The following NFATC1 variants were observed in gnomAD, a reference collection of about 807,000 sequenced individuals.
The protein encoded by NFATC1 is nuclear factor of activated T-cells, cytoplasmic 1.
Under a neutral mutation model 76.0 loss-of-function variants are expected in NFATC1, and 22 were observed. That is an observed-to-expected ratio of 0.29 (90% confidence interval 0.21 to 0.41). NFATC1 has a LOEUF of 0.41. Among genes scored for constraint, NFATC1 ranks in the 10% least tolerant of loss-of-function variants. NFATC1 has a pLI of 1.00. For missense variants in NFATC1, 1,357 were observed against 1,337.7 expected (o/e 1.01, Z -0.23); for synonymous variants, 704 against 613.1 (o/e 1.15, Z -2.19).
At position 79,459,246 on chromosome 18, in the gene NFATC1, C is replaced by T. The variant is rs372465620; in HGVS notation, c.1904-2065C>T. Among the ~76,000 whole-genome samples, 780 of 152,358 alleles carry T rather than the reference C, an allele frequency of 5.1e-3. 11 individuals carry two copies. Among genetic ancestry groups the T allele is most frequent in the African/African-American group, 0.017 (721 of 41,588 alleles). ...AGCTGGGCCTGGCTGGCCACGCAGA[C>T]GTGGCTCCCCTTGGGGCCGCTCCGG... On this transcript the variant is annotated intron_variant, in intron 6 of 9. Transcript: ENST00000427363.
intron 3 of NFATC1, among the ~76,000 whole-genome samples, chr18:79,434,313 C>G (rs1458637949): frequency 6.6e-6 from 1 of 152,196 alleles, no homozygotes; most frequent in Non-Finnish European, 1.5e-5. Flanking sequence ...CTGACTCCCC[C>G]GGGCTGTGGT....
intron 2 of NFATC1, 47 bp from the exon 3 acceptor site, chr18:79,433,532 G>A (rs376815693): frequency 1.1e-5 from 17 of 1,610,426 alleles, no homozygotes; most frequent in Admixed American, 3.3e-5. Context: ...TGGCCCGGGC[G>A]AGGTCTGTGT....
chr18:79,416,681 C>T (rs2085886979), intron 2 of NFATC1, among the ~76,000 whole-genome samples: 2 of 152,198 alleles, frequency 1.3e-5, no homozygotes, highest in African/African-American at 2.4e-5. Context: ...CTGGCATGGG[C>T]TGGAACGGCT....
At chr18:79,427,854 GT>G (rs2086438254) in intron 2 of NFATC1, among the ~76,000 whole-genome samples, 1 of 142,172 alleles carries the variant, frequency 7.0e-6, no homozygotes, top group Non-Finnish European at 1.5e-5. Context: ...TGGGGTGGGT[GT>G]AGGGGGAGCT....
At chr18:79,439,455 A>G (rs1209000295) in intron 3 of NFATC1, among the ~76,000 whole-genome samples, 1 of 152,184 alleles carries the variant, frequency 6.6e-6, no homozygotes, top group African/African-American at 2.4e-5. Flanking sequence ...CTGCTGCCAA[A>G]TGCCGGAGGC....
At chr18:79,418,842 C>T (rs2085967564) in intron 2 of NFATC1, among the ~76,000 whole-genome samples, 1 of 152,164 alleles carries the variant, frequency 6.6e-6, no homozygotes, top group South Asian at 2.1e-4. Context: ...ATGGGAAGGA[C>T]TGGTGTGAGG....
chr18:79,430,585 G>T (rs1309286543), intron 2 of NFATC1, among the ~76,000 whole-genome samples: 2 of 152,228 alleles, frequency 1.3e-5, no homozygotes, highest in African/African-American at 4.8e-5. Context: ...GTTTCACCCT[G>T]TTGGCCAGGA....
At chr18:79,522,254 G>A (rs1244183398) in intron 9 of NFATC1, among the ~76,000 whole-genome samples, 1 of 139,958 alleles carries the variant, frequency 7.1e-6, no homozygotes, top group Non-Finnish European at 1.5e-5. Flanking sequence ...ATCTGCTGAT[G>A]TGTGTGTTTT....
At chr18:79,424,609 G>A (rs142000580) in intron 2 of NFATC1, among the ~76,000 whole-genome samples, 159 of 139,958 alleles carry the variant, frequency 1.1e-3, no homozygotes, top group African/African-American at 3.5e-3. Flanking sequence ...CTGTCTCTCC[G>A]TCTGTCTCTC....
intron 3 of NFATC1, among the ~76,000 whole-genome samples, chr18:79,440,463 G>A (rs763298358): frequency 9.8e-5 from 15 of 152,380 alleles, no homozygotes; most frequent in Non-Finnish European, 1.9e-4. Context: ...TGGGGAGGCG[G>A]CGCCCTGGCA....
chr18:79,468,524 T>C (rs2088634697), intron 8 of NFATC1: 1 of 152,242 alleles, frequency 6.6e-6, no homozygotes, highest in South Asian at 2.1e-4. Flanking sequence ...ATTCCTGTCA[T>C]CTGAGAGGGA....
Position 79,401,977 on chromosome 18 carries a change from C to T in NFATC1, c.127+5626C>T, listed in dbSNP as rs1035982613. ...ACTGCTTTGCCTCCTTGAAGAAGCA[C>T]AGGGGGTAGTTATCCCCATGGAGCT... On this transcript the variant is annotated intron_variant, in intron 1 of 9. Transcript: ENST00000427363. 9.2e-5 allele frequency among the ~76,000 whole-genome samples: 14 copies of T among 152,292 alleles called. No homozygotes were observed. The Middle Eastern group carries it at 0.01, about 111-fold the overall frequency.
At chr18:79,425,267 G>C (rs1600672976) in intron 2 of NFATC1, among the ~76,000 whole-genome samples, 1 of 92,896 alleles carries the variant, frequency 1.1e-5, no homozygotes, top group Admixed American at 1.0e-4. Context: ...CCCTGTCTCT[G>C]TCTCTCTCTC....
intron 8 of NFATC1, among the ~76,000 whole-genome samples, chr18:79,479,260 T>A (rs1326517999): frequency 6.6e-6 from 1 of 152,196 alleles, no homozygotes; most frequent in Non-Finnish European, 1.5e-5. Flanking sequence ...ATGGCTGATA[T>A]CAGGAGGTAG....
chr18:79,418,748 C>T (rs2085964841), intron 2 of NFATC1, among the ~76,000 whole-genome samples: 2 of 152,232 alleles, frequency 1.3e-5, no homozygotes, highest in Non-Finnish European at 2.9e-5. Flanking sequence ...CCACGGTTTT[C>T]TGCCTGCGTT....
chr18:79,526,513 C>T (rs760259346), intron 9 of NFATC1, among the ~76,000 whole-genome samples: 19 of 152,270 alleles, frequency 1.2e-4, no homozygotes, highest in Admixed American at 3.3e-4. Context: ...CTGGCGGGGC[C>T]GGGCATGTGG....
rs547328141 is a variant in NFATC1 at position 79,524,311 on chromosome 18, G to A, written c.2783-3217G>A. 2.0e-5 allele frequency among the ~76,000 whole-genome samples: 3 copies of A among 152,374 alleles called. No individual in the cohort carries two copies. Among genetic ancestry groups the A allele is most frequent in the African/African-American group, 4.8e-5 (2 of 41,594 alleles). ...GGGCTACGGCACAGGCCGTGTCTGCGGGGCGAGCACGGCTCCACGTACGGC... is the reference window on the plus strand; with the variant it reads ...GGGCTACGGCACAGGCCGTGTCTGCAGGGCGAGCACGGCTCCACGTACGGC... On this transcript the variant is annotated intron_variant, in intron 9 of 9. Transcript: ENST00000427363. The surrounding 1 kb of genome is among the most constrained non-coding windows in gnomAD (Gnocchi z 7.2).
chr18:79,491,248 G>A (rs1237961111), intron 9 of NFATC1, among the ~76,000 whole-genome samples: 1 of 152,146 alleles, frequency 6.6e-6, no homozygotes. Context: ...AGCGTGACCT[G>A]GAGTTCGGGG....
intron 2 of NFATC1, among the ~76,000 whole-genome samples, chr18:79,427,499 TC>T (rs1454175194): frequency 6.2e-5 from 1 of 16,134 alleles, no homozygotes; most frequent in African/African-American, 2.5e-4. Context: ...GTGCGGTGGG[TC>T]GGGGGAAGCT....
Sources: gnomAD v4.1 joint callset for allele counts (sites outside exome capture counted in the v4.1 genomes callset) on GRCh38, gnomAD v4.1.1 for gene constraint, Gnocchi (gnomAD v3.1) non-coding constraint, MANE v1.5 for transcripts, NCBI Gene and HGNC (gene_info 2026-07-23, HGNC 2026-07-21) for gene names.